Variants in STAP1 observed in about 807,000 individuals in gnomAD.
The protein encoded by STAP1 is signal transducing adaptor family member 1, also known as signal-transducing adaptor protein 1.
STAP1 carries 30 observed loss-of-function variants against 37.8 expected under a neutral mutation model. The observed-to-expected ratio is 0.79, with a 90% CI of 0.59 to 1.08. The LOEUF is 1.08. Ranked by LOEUF, STAP1 falls within the 50% of genes least tolerant of loss-of-function variation. STAP1 has a pLI of 0.00. For synonymous variants in STAP1, 130 were observed against 116.0 expected (o/e 1.12, Z -0.78); for missense variants, 357 against 349.4 (o/e 1.02, Z -0.17).
intron 6 of STAP1, among the ~76,000 whole-genome samples, chr4:67,588,390 T>TG (rs1302448656): frequency 1.8e-4 from 28 of 152,122 alleles, no homozygotes; most frequent in South Asian, 4.2e-4. Context: ...GATGTCTTTT[T>TG]TTTGTTGTTG....
At chr4:67,571,029 G>GA in intron 1 of STAP1, 55 bp from the exon 2 acceptor site, 1 of 1,393,524 alleles carries the variant, frequency 7.2e-7, no homozygotes, top group Middle Eastern at 2.0e-4. Context: ...AATATTATTA[G>GA]AAAAATAGTT....
At position 67,560,673 on chromosome 4, in the gene STAP1, T is replaced by TGA. The variant is rs1553900104; in HGVS notation, c.120+1745_120+1746dup. ...GTGTCTGTGTGTGTGTGTGTGTGTG[T>TGA]GACAGTGTCTCCTCTGTTGCCCAAG... On this transcript the variant is annotated intron_variant, in intron 1 of 8. Coordinates refer to ENST00000265404, the MANE Select transcript of STAP1 (RefSeq NM_012108.4). Among the ~76,000 whole-genome samples the TGA allele has an allele frequency of 2.2e-4, 34 of 152,096 alleles. No individual in the cohort carries two copies. The East Asian group carries it at 6.4e-3, about 29-fold the overall frequency.
At chr4:67,589,798 G>A (rs1728081642) in intron 6 of STAP1, among the ~76,000 whole-genome samples, 1 of 146,612 alleles carries the variant, frequency 6.8e-6, no homozygotes, top group South Asian at 2.2e-4. Flanking sequence ...ATTATGAGGT[G>A]GGGGATCCTA....
chr4:67,566,509 A>G (rs1320386384), intron 1 of STAP1, among the ~76,000 whole-genome samples: 1 of 152,198 alleles, frequency 6.6e-6, no homozygotes, highest in Non-Finnish European at 1.5e-5. Context: ...GCCCTTTGCC[A>G]CATGGCAGGG....
chr4:67,599,163 G>T (rs1310649488), intron 8 of STAP1, among the ~76,000 whole-genome samples: 7 of 152,130 alleles, frequency 4.6e-5, no homozygotes, highest in African/African-American at 1.7e-4. Flanking sequence ...AGAGATATTG[G>T]CTTGTAGTTT....
chr4:67,575,336 G>T, intron 2 of STAP1, 49 bp from the exon 3 acceptor site: 1 of 1,261,080 alleles, frequency 7.9e-7, no homozygotes, highest in Non-Finnish European at 1.1e-6. Flanking sequence ...TAGAACTAAT[G>T]TGTATTACCC....
At chr4:67,562,068 CAAAAAAAA>C (rs71219057) in intron 1 of STAP1, among the ~76,000 whole-genome samples, 21 of 77,262 alleles carry the variant, frequency 2.7e-4, no homozygotes, top group African/African-American at 1.1e-3. Context: ...GAGACTCTGT[CAAAAAAAA>C]AAAAAAAAAA....
At chr4:67,562,719 C>T (rs1367051229) in intron 1 of STAP1, among the ~76,000 whole-genome samples, 3 of 151,586 alleles carry the variant, frequency 2.0e-5, no homozygotes, top group South Asian at 2.1e-4. Context: ...TTGCAGGGAG[C>T]GGAGATTGCG....
At chr4:67,568,485 C>G (rs1727522767) in intron 1 of STAP1, among the ~76,000 whole-genome samples, 1 of 152,092 alleles carries the variant, frequency 6.6e-6, no homozygotes, top group African/African-American at 2.4e-5. Context: ...TTAAAACTTA[C>G]TTGCCATTCT....
intron 4 of STAP1, among the ~76,000 whole-genome samples, chr4:67,580,935 G>T (rs1727839780): frequency 6.6e-6 from 1 of 152,182 alleles, no homozygotes; most frequent in Admixed American, 6.5e-5. Flanking sequence ...AGAGAGTGAG[G>T]TACCTTGAAG....
Position 67,593,305 on chromosome 4 carries a change from G to C in STAP1, c.775G>C (p.Glu259Gln). ...LFSVIDYFVK[E>Q]TRGNLRPFIC... ...CAGTGTCATTGATTATTTTGTGAAG[G>C]AGACTCGAGGAAATTTAAGACCATT... is the stretch of plus-strand genomic sequence containing the variant. Residue 259 changes from glutamate (E) to glutamine (Q), a missense_variant, in exon 8 of 9, where the codon GAG (glutamate) becomes CAG (glutamine). Coordinates refer to ENST00000265404, the MANE Select transcript of STAP1 (RefSeq NM_012108.4). 1.2e-6 allele frequency: 2 copies of C among 1,613,420 alleles called. No individual in the cohort carries two copies. The highest frequency in any genetic ancestry group is 1.3e-5 in the African/African-American group (1 of 75,010).
At chr4:67,570,193 A>T (rs1727569356) in intron 1 of STAP1, among the ~76,000 whole-genome samples, 1 of 152,246 alleles carries the variant, frequency 6.6e-6, no homozygotes, top group Non-Finnish European at 1.5e-5. Context: ...ATGATTAAAA[A>T]GTATAGTATA....
At chr4:67,589,776 C>T (rs1265519798) in intron 6 of STAP1, among the ~76,000 whole-genome samples, 1 of 151,806 alleles carries the variant, frequency 6.6e-6, no homozygotes, top group Non-Finnish European at 1.5e-5. Context: ...TTGCTTAGTT[C>T]TAGCAGATAA....
chr4:67,591,002 A>G (rs1475493397), intron 7 of STAP1, 49 bp downstream of exon 7: 1 of 1,469,540 alleles, frequency 6.8e-7, no homozygotes, highest in South Asian at 1.2e-5. Flanking sequence ...CCGATTCCTT[A>G]TAGCCTCCTA....
chr4:67,579,565 G>C (rs1159065619), intron 4 of STAP1, among the ~76,000 whole-genome samples: 1 of 152,178 alleles, frequency 6.6e-6, no homozygotes, highest in Non-Finnish European at 1.5e-5. Context: ...CATCTGCTCA[G>C]CTTCTGGGAA....
At chr4:67,572,234 G>A (rs1356816885) in intron 2 of STAP1, among the ~76,000 whole-genome samples, 1 of 152,136 alleles carries the variant, frequency 6.6e-6, no homozygotes, top group Non-Finnish European at 1.5e-5. Context: ...CTCAAATTGG[G>A]CAATTTGAAG....
chr4:67,565,009 C>T (rs919356623), intron 1 of STAP1, among the ~76,000 whole-genome samples: 5 of 152,226 alleles, frequency 3.3e-5, no homozygotes, highest in African/African-American at 1.2e-4. Flanking sequence ...CTGTTCCTCA[C>T]CTGCTTCCCA....
intron 5 of STAP1, 82 bp downstream of exon 5, chr4:67,581,553 CTTG>C: frequency 1.4e-6 from 2 of 1,460,156 alleles, no homozygotes; most frequent in Non-Finnish European, 1.9e-6. Flanking sequence ...GTCACTTGCT[CTTG>C]TTAAGCCAGG....
intron 1 of STAP1, among the ~76,000 whole-genome samples, chr4:67,563,014 C>T (rs906399603): frequency 6.6e-6 from 1 of 152,066 alleles, no homozygotes; most frequent in African/African-American, 2.4e-5. Flanking sequence ...ACTTTACTTG[C>T]GCACAAAAAC....
Sources: allele counts gnomAD v4.1 joint callset (sites outside exome capture counted in the v4.1 genomes callset), GRCh38; gene constraint gnomAD v4.1.1; transcripts MANE v1.5; gene names NCBI Gene and HGNC (gene_info 2026-07-23, HGNC 2026-07-21).